The following ZNF90 variants were observed in gnomAD, a reference collection of about 807,000 sequenced individuals.
The protein encoded by ZNF90 is zinc finger protein 90, also known as zinc finger protein HTF9.
In ZNF90, 11 loss-of-function variants were observed where a neutral mutation model predicts 12.0. The ratio of observed to expected loss-of-function variants is 0.92; its 90% CI spans 0.58 to 1.52. The LOEUF (loss-of-function observed/expected upper bound fraction) is 1.52, where lower values mean the gene tolerates loss of function less well. ZNF90 is among the 40% of genes most tolerant of loss of function. The pLI, the probability that ZNF90 is intolerant of heterozygous loss-of-function variation, is 0.00. For missense variants in ZNF90, 765 were observed against 711.5 expected (o/e 1.08, Z -0.86); for synonymous variants, 232 against 240.1 (o/e 0.97, Z 0.31).
chr19:20,106,044 CTTTTTTTTTTT>C (rs56933917), intron 3 of ZNF90, among the ~76,000 whole-genome samples: 6 of 71,040 alleles, frequency 8.4e-5, no homozygotes, highest in South Asian at 5.2e-4. Flanking sequence ...CTAATTTTTT[CTTTTTTTTTTT>C]TTTTTTTTTT....
chr19:20,113,188 C>A (rs201645389), intron 3 of ZNF90, among the ~76,000 whole-genome samples: 7 of 146,880 alleles, frequency 4.8e-5, no homozygotes, highest in South Asian at 2.2e-4. Context: ...ATTTTTTTTT[C>A]TTTTTTTTTT....
At chr19:20,084,299 C>A (rs954640453) in intron 1 of ZNF90, among the ~76,000 whole-genome samples, 1 of 151,794 alleles carries the variant, frequency 6.6e-6, no homozygotes, top group Non-Finnish European at 1.5e-5. Flanking sequence ...TCTGGTGATC[C>A]GCCCGGGTCA....
At chr19:20,115,144 T>C (rs1260665246) in intron 3 of ZNF90, among the ~76,000 whole-genome samples, 6 of 152,162 alleles carry the variant, frequency 3.9e-5, no homozygotes, top group Non-Finnish European at 7.4e-5. Context: ...TGCTCTCATT[T>C]GGTTAATATT....
intron 1 of ZNF90, among the ~76,000 whole-genome samples, chr19:20,081,165 CACCTTCAGG>C (rs2088817191): frequency 6.6e-6 from 1 of 152,104 alleles, no homozygotes; most frequent in South Asian, 2.1e-4. Context: ...GACTAGGCAC[CACCTTCAGG>C]AACTTCATTA....
intron 1 of ZNF90, among the ~76,000 whole-genome samples, chr19:20,100,927 A>AC (rs2088984491): frequency 6.6e-6 from 1 of 152,164 alleles, no homozygotes; most frequent in African/African-American, 2.4e-5. Context: ...AGTGATTGGG[A>AC]TATAAACCCC....
At chr19:20,115,535 C>G (rs2089129843) in intron 3 of ZNF90, among the ~76,000 whole-genome samples, 1 of 150,726 alleles carries the variant, frequency 6.6e-6, no homozygotes, top group Admixed American at 6.6e-5. Flanking sequence ...AAAGATCCAA[C>G]AATATATTTG....
In ZNF90 at chr19:20,118,065, A is replaced by G; in HGVS notation, c.511A>G (p.Lys171Glu). Residue 171 changes from lysine to glutamate, a missense_variant, in exon 4 of 4, where the codon AAA becomes GAA. Transcript: ENST00000418063. Reference sequence around the variant, plus strand: ...ACATAAGATAAGAGATACTGGAAAAAAACCTTTCAAATGTATAGAATGTGG... The same window carrying G: ...ACATAAGATAAGAGATACTGGAAAAGAACCTTTCAAATGTATAGAATGTGG... Reference protein sequence around the residue: ...NRHKIRDTGKKPFKCIECGKA... With the variant: ...NRHKIRDTGKEPFKCIECGKA... 6.2e-7 allele frequency: 1 copy of G among 1,613,112 alleles called. No homozygotes were observed. Among genetic ancestry groups the G allele is most frequent in the Non-Finnish European group, 8.5e-7 (1 of 1,179,442 alleles).
Position 20,110,527 on chromosome 19 carries a change from G to A in ZNF90, c.226+5211G>A, listed in dbSNP as rs1373392721. Reference sequence around the variant, plus strand: ...GTGATCTGCCCCCTCAGCCTCCCAAGTTGCTAGATTTACAGGCTTGAACCA... The same window carrying A: ...GTGATCTGCCCCCTCAGCCTCCCAAATTGCTAGATTTACAGGCTTGAACCA... On this transcript the variant is annotated intron_variant, in intron 3 of 3. Transcript: ENST00000418063. Among the ~76,000 whole-genome samples, 10 of 152,174 alleles carry A rather than the reference G, an allele frequency of 6.6e-5. No homozygotes were observed. In the South Asian group the frequency reaches 1.9e-3, roughly 28 times the overall value.
At chr19:20,092,428 A>G (rs374907313) in intron 1 of ZNF90, among the ~76,000 whole-genome samples, 1 of 152,164 alleles carries the variant, frequency 6.6e-6, no homozygotes, top group East Asian at 1.9e-4. Flanking sequence ...TTCAGACTGC[A>G]CAGCCCTGCA....
At position 20,118,154 on chromosome 19, in the gene ZNF90, C is replaced by T. The variant is rs142761078; in HGVS notation, c.600C>T (p.Thr200=). 1.3e-4 allele frequency: 207 copies of T among 1,610,580 alleles called. No individual in the cohort carries two copies. The African/African-American group carries it at 1.6e-3, about 12-fold the overall frequency. Residue 200 remains threonine, a synonymous_variant, in exon 4 of 4, where the codon ACC becomes ACT. Transcript: ENST00000418063. ...AGAAAATTCATACTGGAGAGATAAC[C>T]TGCAAATGTGAAGAATGTGGCAAAG... ...THKKIHTGEI[T]CKCEECGKAF...
chr19:20,117,638 C>A, intron 3 of ZNF90, 143 bp from the exon 4 acceptor site: 1 of 1,380,194 alleles, frequency 7.2e-7, no homozygotes, highest in South Asian at 1.9e-5. Flanking sequence ...CAGAATCTAG[C>A]AATTGAAGTA....
In ZNF90 at chr19:20,110,424, A is replaced by G. The variant is rs146249009; in HGVS notation, c.226+5108A>G. ...CTCCCTAGTAACTGGGATTACAGGCACCCACTACCATGCCTAGCTGATTTT... is the reference window on the plus strand; with the variant it reads ...CTCCCTAGTAACTGGGATTACAGGCGCCCACTACCATGCCTAGCTGATTTT... On this transcript the variant is annotated intron_variant, in intron 3 of 3. Transcript: ENST00000418063. Among the ~76,000 whole-genome samples, 1,111 of 152,010 alleles carry G rather than the reference A, an allele frequency of 7.3e-3. 5 individuals are homozygous for G. The highest frequency in any genetic ancestry group is 0.041 in the Middle Eastern group (12 of 294).
In ZNF90 at chr19:20,118,163, T is replaced by C; in HGVS notation, c.609T>C (p.Cys203=). 6.2e-7 allele frequency: 1 copy of C among 1,610,592 alleles called. No individual in the cohort carries two copies. The highest frequency in any genetic ancestry group is 8.5e-7 in the Non-Finnish European group (1 of 1,178,078). ...ATACTGGAGAGATAACCTGCAAATG[T>C]GAAGAATGTGGCAAAGCCTTCAACA... The part of the protein sequence containing the change: ...KIHTGEITCK[C]EECGKAFNRS... The change falls in exon 4 of 4, where the codon TGT becomes TGC. Residue 203 remains cysteine, a synonymous_variant. Coordinates refer to ENST00000418063, the MANE Select transcript of ZNF90 (RefSeq NM_007138.2).
intron 3 of ZNF90, among the ~76,000 whole-genome samples, chr19:20,117,004 A>G (rs1395007775): frequency 7.6e-6 from 1 of 132,094 alleles, no homozygotes; most frequent in Admixed American, 7.3e-5. Flanking sequence ...AAGAATTGGC[A>G]ACTTACATTT....
intron 3 of ZNF90, among the ~76,000 whole-genome samples, chr19:20,113,178 A>C (rs184394065): frequency 8.3e-4 from 123 of 148,218 alleles, no homozygotes; most frequent in African/African-American, 2.7e-3. Flanking sequence ...ACGGTTTTTT[A>C]TTTTTTTTTC....
intron 1 of ZNF90, among the ~76,000 whole-genome samples, chr19:20,093,381 A>G (rs1239388912): frequency 6.6e-6 from 1 of 152,158 alleles, no homozygotes; most frequent in Non-Finnish European, 1.5e-5. Flanking sequence ...TGAGCAGGGT[A>G]AGGGTGATTA....
intron 3 of ZNF90, among the ~76,000 whole-genome samples, chr19:20,107,343 G>A (rs2089048909): frequency 1.3e-5 from 2 of 152,154 alleles, no homozygotes; most frequent in African/African-American, 4.8e-5. Flanking sequence ...AAATAAACCC[G>A]ATCCTGGTCT....
At chr19:20,086,710 A>G (rs1288165816) in intron 1 of ZNF90, among the ~76,000 whole-genome samples, 3 of 152,250 alleles carry the variant, frequency 2.0e-5, no homozygotes, top group African/African-American at 7.2e-5. Context: ...TACTATATAC[A>G]TTATGACTAG....
chr19:20,079,115 C>CA (rs139573879), intron 1 of ZNF90, among the ~76,000 whole-genome samples: 2,219 of 68,086 alleles, frequency 0.033, 44 homozygotes, highest in Non-Finnish European at 0.051. Context: ...GGAGAGTCCT[C>CA]AAAAAAAAAA....
Sources: allele counts gnomAD v4.1 joint callset (sites outside exome capture counted in the v4.1 genomes callset), GRCh38; gene constraint gnomAD v4.1.1; transcripts MANE v1.5; gene names NCBI Gene and HGNC (gene_info 2026-07-23, HGNC 2026-07-21).